The following ATP8B4 variants were observed in gnomAD, a reference collection of about 807,000 sequenced individuals.
ATP8B4 encodes the protein ATPase phospholipid transporting 8B4 (putative).
Under a neutral mutation model 145.6 loss-of-function variants are expected in ATP8B4, and 133 were observed. The observed-to-expected ratio is 0.91, with a 90% CI of 0.79 to 1.05. The LOEUF (loss-of-function observed/expected upper bound fraction) is 1.05. Ranked by LOEUF, ATP8B4 falls within the 50% of genes least tolerant of loss-of-function variation. The probability of loss-of-function intolerance (pLI) is 0.00; values close to 1 mark genes in which losing one functional copy is unlikely to be tolerated. For missense variants in ATP8B4, 1,458 were observed against 1,425.2 expected (o/e 1.02, Z -0.37); for synonymous variants, 507 against 492.9 (o/e 1.03, Z -0.38).
intron 2 of ATP8B4, among the ~76,000 whole-genome samples, chr15:50,080,264 C>A (rs1435094957): frequency 6.6e-6 from 1 of 152,162 alleles, no homozygotes; most frequent in Non-Finnish European, 1.5e-5. Context: ...CAGTTATATT[C>A]TCCAAGATAA....
intron 6 of ATP8B4, among the ~76,000 whole-genome samples, chr15:50,037,069 A>C (rs1246616326): frequency 6.6e-6 from 1 of 152,228 alleles, no homozygotes; most frequent in Non-Finnish European, 1.5e-5. Flanking sequence ...TGAATATCGA[A>C]GTTATTGGAT....
At chr15:50,068,953 T>C (rs1314885397) in intron 3 of ATP8B4, among the ~76,000 whole-genome samples, 1 of 152,226 alleles carries the variant, frequency 6.6e-6, no homozygotes, top group Non-Finnish European at 1.5e-5. Context: ...ACTTCTACCA[T>C]TCACTCTGAA....
At chr15:49,892,116 A>G (rs1044355742) in intron 23 of ATP8B4, among the ~76,000 whole-genome samples, 1 of 151,896 alleles carries the variant, frequency 6.6e-6, no homozygotes, top group East Asian at 1.9e-4. Context: ...CTCACCTAAA[A>G]AAAAAAAAAA....
At chr15:50,158,239 C>T (rs1327908176) in intron 1 of ATP8B4, among the ~76,000 whole-genome samples, 1 of 151,450 alleles carries the variant, frequency 6.6e-6, no homozygotes. Context: ...TGAGGAGCCC[C>T]TCTGCCCGGC....
At chr15:49,966,517 C>T (rs369819331) in intron 13 of ATP8B4, among the ~76,000 whole-genome samples, 7 of 152,304 alleles carry the variant, frequency 4.6e-5, no homozygotes, top group East Asian at 3.9e-4. Context: ...TCAAACCAGG[C>T]GGAGCCCACT....
rs1421259015 is a variant in ATP8B4 at position 49,876,688 on chromosome 15, C to T, written c.2782-165G>A. ...TCTTGTTTGTATTCCCACAATAAAC[C>T]AGAAGATAATAAAATGATCTCTACT... On this transcript the variant is annotated intron_variant, in intron 24 of 27. Transcript: ENST00000284509. 3.1e-6 allele frequency: 3 copies of T among 983,216 alleles called. No individual in the cohort carries two copies. In the East Asian group the frequency reaches 7.9e-5, roughly 26 times the overall value. 60.9% of individuals were successfully genotyped at this position (983,216 alleles called of 1,614,324 possible).
intron 2 of ATP8B4, among the ~76,000 whole-genome samples, chr15:50,079,133 T>G (rs878928691): frequency 6.6e-6 from 1 of 152,148 alleles, no homozygotes; most frequent in South Asian, 2.1e-4. Context: ...GATACCCCAT[T>G]TTACATGACA....
chr15:49,994,144 C>G (rs1230184077), intron 9 of ATP8B4, among the ~76,000 whole-genome samples: 2 of 152,130 alleles, frequency 1.3e-5, no homozygotes, highest in Non-Finnish European at 2.9e-5. Context: ...TTTGGAGCTA[C>G]TGTGTTCCAT....
chr15:49,971,328 C>G (rs960677659), intron 13 of ATP8B4, among the ~76,000 whole-genome samples: 4 of 152,166 alleles, frequency 2.6e-5, no homozygotes, highest in Non-Finnish European at 5.9e-5. Flanking sequence ...TCAGAGTGAA[C>G]AGGCAACCTA....
chr15:50,053,166 C>T (rs2052325776), intron 3 of ATP8B4, among the ~76,000 whole-genome samples: 1 of 152,150 alleles, frequency 6.6e-6, no homozygotes, highest in Non-Finnish European at 1.5e-5. Flanking sequence ...CATTTTACAG[C>T]TCATCTTATC....
At chr15:50,000,908 T>G (rs1194575224) in intron 8 of ATP8B4, among the ~76,000 whole-genome samples, 1 of 152,036 alleles carries the variant, frequency 6.6e-6, no homozygotes, top group Non-Finnish European at 1.5e-5. Flanking sequence ...TGTATAGTCT[T>G]TTTTTTGAGA....
At chr15:49,861,485 C>T (rs1374320122) in intron 27 of ATP8B4, among the ~76,000 whole-genome samples, 2 of 145,690 alleles carry the variant, frequency 1.4e-5, no homozygotes, top group Admixed American at 6.7e-5. Context: ...TACCTACCTA[C>T]CTACCTACCT....
chr15:49,977,010 T>C (rs557289361), intron 12 of ATP8B4, among the ~76,000 whole-genome samples: 19 of 152,252 alleles, frequency 1.2e-4, no homozygotes, highest in African/African-American at 4.6e-4. Flanking sequence ...CTTAAGATTA[T>C]GTATTTAAAA....
intron 14 of ATP8B4, among the ~76,000 whole-genome samples, chr15:49,956,237 T>C (rs534570843): frequency 6.6e-6 from 1 of 152,280 alleles, no homozygotes; most frequent in Admixed American, 6.5e-5. Flanking sequence ...AGAATAATAT[T>C]ATTTTACACT....
At chr15:49,927,940 G>C (rs2040875864) in intron 16 of ATP8B4, among the ~76,000 whole-genome samples, 1 of 152,132 alleles carries the variant, frequency 6.6e-6, no homozygotes, top group Non-Finnish European at 1.5e-5. Flanking sequence ...TTCAAGGCTA[G>C]TTTCTAGTAG....
chr15:49,895,783 G>A (rs781705300), intron 23 of ATP8B4: 7 of 152,192 alleles, frequency 4.6e-5, no homozygotes, highest in African/African-American at 1.2e-4. Context: ...GTCATTGAAC[G>A]TTAGTTTCAA....
rs138146233 is a variant in ATP8B4, at chr15:49,859,458, G to C, written c.*736C>G. 2.0e-5 allele frequency: 3 copies of C among 152,202 alleles called. No homozygotes were observed. Among genetic ancestry groups the C allele is most frequent in the Non-Finnish European group, 2.9e-5 (2 of 68,042 alleles). The allele number at this position is 152,202 out of a possible 1,614,324, so 9.4% of individuals were successfully genotyped here. A position where few individuals can be genotyped will look rare whatever the true frequency, so the allele number is the denominator to read the frequency against. On this transcript the variant is annotated 3_prime_UTR_variant, in exon 28 of 28. Coordinates refer to ENST00000284509, the MANE Select transcript of ATP8B4 (RefSeq NM_024837.4). The stretch of plus-strand genomic sequence containing the variant: ...CATTGAAAAGTATTTAGAATACTTA[G>C]TGGCGAGCCTCTCTCACATTTCATA...
intron 10 of ATP8B4, 33 bp downstream of exon 10, chr15:49,987,358 C>T: frequency 6.2e-7 from 1 of 1,604,422 alleles, no homozygotes; most frequent in Non-Finnish European, 8.5e-7. Flanking sequence ...AGGAAAGGTT[C>T]CCACAGAGCT....
intron 5 of ATP8B4, among the ~76,000 whole-genome samples, chr15:50,040,367 T>G (rs1022294983): frequency 6.6e-6 from 1 of 152,300 alleles, no homozygotes; most frequent in East Asian, 1.9e-4. Flanking sequence ...GGTCTAGTAG[T>G]ATTGCCAACC....
Sources: allele counts gnomAD v4.1 joint callset (sites outside exome capture counted in the v4.1 genomes callset), GRCh38; gene constraint gnomAD v4.1.1; transcripts MANE v1.5; gene names NCBI Gene and HGNC (gene_info 2026-07-23, HGNC 2026-07-21).